The following ITGAM variants were observed in gnomAD, a reference collection of about 807,000 sequenced individuals.
ITGAM encodes integrin alpha-M.
A neutral mutation model predicts 137.5 loss-of-function variants in ITGAM; 79 were observed. The observed-to-expected ratio is 0.57, with a 90% CI of 0.48 to 0.69. The LOEUF is 0.69. Among genes scored for constraint, ITGAM ranks in the 30% least tolerant of loss-of-function variants. The pLI, the probability that ITGAM is intolerant of heterozygous loss-of-function variation, is 0.00. For synonymous variants in ITGAM, 583 were observed against 592.3 expected, an observed-to-expected ratio of 0.98 and a Z score of 0.23; for missense variants, 1,343 against 1,483.5, an observed-to-expected ratio of 0.91 and a Z score of 1.56.
At position 31,297,658 on chromosome 16, in the gene ITGAM, A is replaced by C; in HGVS notation, c.1497+4A>C. 6.2e-7 allele frequency: 1 copy of C among 1,611,784 alleles called. No individual in the cohort carries two copies. The highest frequency in any genetic ancestry group is 1.1e-5 in the South Asian group (1 of 90,952). On this transcript the variant is annotated splice_donor_region_variant and intron_variant, in intron 13 of 29. Coordinates refer to ENST00000544665, the MANE Select transcript of ITGAM (RefSeq NM_000632.4). ...CGTGTGCCCCTTGCCCAGGGGGGTG[A>C]GTGGCAATGGGACCTGGGCTGGGTG...
At chr16:31,326,130 T>C (rs2080506017) in intron 21 of ITGAM, among the ~76,000 whole-genome samples, 1 of 152,150 alleles carries the variant, frequency 6.6e-6, no homozygotes, top group Non-Finnish European at 1.5e-5. Flanking sequence ...AGTGAATTCA[T>C]AGGGTCTTGC....
chr16:31,283,352 A>T (rs1435746746), intron 12 of ITGAM, among the ~76,000 whole-genome samples: 2 of 152,210 alleles, frequency 1.3e-5, no homozygotes, highest in Non-Finnish European at 2.9e-5. Context: ...ACTTTCAGGT[A>T]CACCAATCAG....
intron 8 of ITGAM, 124 bp from the exon 9 acceptor site, chr16:31,275,425 G>C (rs2079895733): frequency 2.0e-6 from 2 of 1,024,870 alleles, no homozygotes; most frequent in Admixed American, 2.2e-5. Context: ...CCTGTCCCAG[G>C]GACCTTCTGA....
rs527243146 is a variant in ITGAM at position 31,265,981 on chromosome 16, C to T, written c.310-49C>T. On this transcript the variant is annotated intron_variant, in intron 4 of 29. Transcript: ENST00000544665. The stretch of plus-strand genomic sequence containing the variant: ...TGTGGAGGGTGGAGGTGCTGGGGTA[C>T]AAGGACAGGAAGCAGGGGCAGCCCC... The T allele has an allele frequency of 6.0e-5, 95 of 1,594,030 alleles. 1 individual carries two copies. In the South Asian group the frequency reaches 1.0e-3, roughly 17 times the overall value.
chr16:31,328,020 G>A, intron 22 of ITGAM, 127 bp from the exon 23 acceptor site: 1 of 742,466 alleles, frequency 1.3e-6, no homozygotes, highest in Non-Finnish European at 2.4e-6. Flanking sequence ...TTGGAGAACA[G>A]TGGGGTTTCA....
At chr16:31,316,010 A>T (rs12716993) in intron 14 of ITGAM, among the ~76,000 whole-genome samples, 88,453 of 97,730 alleles carry the variant, frequency 0.91, 39,992 homozygotes, top group East Asian at 1. Flanking sequence ...ATGGCTAACA[A>T]GGTGAAACCC....
rs2080594345 is a variant in ITGAM, at chr16:31,332,003, G to C, written c.*296G>C. The C allele has an allele frequency of 2.2e-6, 1 of 454,592 alleles. No homozygotes were observed. Among genetic ancestry groups the C allele is most frequent in the African/African-American group, 2.0e-5 (1 of 48,928 alleles). 28.2% of individuals were successfully genotyped at this position (454,592 alleles called of 1,614,324 possible). ...TGTGTCCATGTGTGTGCAAGTGTGT[G>C]CATGTGTGCGAGTGTGTGCATGTGT... On this transcript the variant is annotated 3_prime_UTR_variant, in exon 30 of 30. Coordinates refer to ENST00000544665, the MANE Select transcript of ITGAM (RefSeq NM_000632.4).
At chr16:31,269,018 T>A (rs749305903) in intron 5 of ITGAM, among the ~76,000 whole-genome samples, 13 of 152,126 alleles carry the variant, frequency 8.5e-5, no homozygotes, top group Non-Finnish European at 1.5e-4. Flanking sequence ...AGTTTTATTA[T>A]CACTCGAATC....
At chr16:31,276,809 G>A (rs899414387) in intron 10 of ITGAM, 65 bp downstream of exon 10, 53 of 1,565,718 alleles carry the variant, frequency 3.4e-5, no homozygotes, top group Non-Finnish European at 4.3e-5. Flanking sequence ...TAGGAGAGAT[G>A]TGGGGGTTTG....
At chr16:31,261,000 G>A (rs2079692244) in intron 1 of ITGAM, among the ~76,000 whole-genome samples, 1 of 152,128 alleles carries the variant, frequency 6.6e-6, no homozygotes, top group Admixed American at 6.6e-5. Context: ...TGTTATATAA[G>A]TACTTGTACA....
chr16:31,283,862 T>C lies in ITGAM; in HGVS notation c.1356+5753T>C, dbSNP rs1223286351. Among the ~76,000 whole-genome samples the C allele has an allele frequency of 2.0e-5, 3 of 152,238 alleles. No individual in the cohort carries two copies. The East Asian group carries it at 5.8e-4, about 29-fold the overall frequency. ...GTTTCTCCCCATCTTTGTGGTTTTA[T>C]CTACCTTTGGTCTTTGATGATGGTG... On this transcript the variant is annotated intron_variant, in intron 12 of 29. Transcript: ENST00000544665.
intron 12 of ITGAM, among the ~76,000 whole-genome samples, chr16:31,286,882 G>T (rs2080034779): frequency 6.6e-6 from 1 of 152,138 alleles, no homozygotes; most frequent in African/African-American, 2.4e-5. Context: ...TTTTGTTGCA[G>T]TTGCTTTTGA....
chr16:31,325,692 T>C, intron 21 of ITGAM, 70 bp downstream of exon 21: 3 of 1,553,670 alleles, frequency 1.9e-6, no homozygotes, highest in Non-Finnish European at 2.6e-6. Flanking sequence ...TCTTCTTCTC[T>C]TCTTTAGTAG....
rs1143681 is a variant in ITGAM at position 31,321,569 on chromosome 16, C to T, written c.1944C>T (p.Ala648=). Reference sequence around the variant, plus strand: ...ATCAGGTGGTGAAAGGCAAGGAAGCCGGAGAGGTCAGAGTCTGCCTCCATG... The same window carrying T: ...ATCAGGTGGTGAAAGGCAAGGAAGCTGGAGAGGTCAGAGTCTGCCTCCATG... ...CNDQVVKGKE[A]GEVRVCLHVQ... Residue 648 remains alanine, a synonymous_variant, in exon 16 of 30, where the codon GCC becomes GCT. Coordinates refer to ENST00000544665, the MANE Select transcript of ITGAM (RefSeq NM_000632.4). The T allele has an allele frequency of 6.0e-3, 9,739 of 1,613,882 alleles. 522 individuals are homozygous for T. In the African/African-American group the frequency reaches 0.11, roughly 19 times the overall value.
chr16:31,319,857 GGCTGGAGTGCAGTGGT>G (rs1327103455), intron 14 of ITGAM, among the ~76,000 whole-genome samples: 1 of 151,208 alleles, frequency 6.6e-6, no homozygotes, highest in Non-Finnish European at 1.5e-5. Context: ...CTGTCACCCA[GGCTGGAGTGCAGTGGT>G]GCGATCTCGG....
At chr16:31,311,543 A>T (rs537492384) in intron 14 of ITGAM, among the ~76,000 whole-genome samples, 1 of 152,374 alleles carries the variant, frequency 6.6e-6, no homozygotes, top group South Asian at 2.1e-4. Flanking sequence ...AATGCTCATC[A>T]TTACTGGCCA....
intron 21 of ITGAM, 26 bp downstream of exon 21, chr16:31,325,648 C>T: frequency 1.3e-6 from 2 of 1,597,320 alleles, no homozygotes; most frequent in Non-Finnish European, 1.7e-6. Context: ...TCCTCCCCTC[C>T]TTTTCTCTTT....
intron 2 of ITGAM, among the ~76,000 whole-genome samples, chr16:31,262,835 G>C (rs953785544): frequency 6.6e-6 from 1 of 152,176 alleles, no homozygotes. Flanking sequence ...CAGAAGAAGG[G>C]GGCTGGTCTC....
chr16:31,267,593 T>A (rs1034159464), intron 5 of ITGAM, among the ~76,000 whole-genome samples: 1 of 152,112 alleles, frequency 6.6e-6, no homozygotes, highest in Non-Finnish European at 1.5e-5. Flanking sequence ...ATGACTAAAT[T>A]CTTCCATATG....
Sources: gnomAD v4.1 joint callset for allele counts (sites outside exome capture counted in the v4.1 genomes callset) on GRCh38, gnomAD v4.1.1 for gene constraint, MANE v1.5 for transcripts, NCBI Gene and HGNC (gene_info 2026-07-23, HGNC 2026-07-21) for gene names.